The following PSMB1 variants were observed in gnomAD, a reference collection of about 807,000 sequenced individuals.
PSMB1 encodes the protein proteasome subunit beta type-1.
Under a neutral mutation model 25.4 loss-of-function variants are expected in PSMB1, and 7 were observed. The observed-to-expected ratio is 0.28, with a 90% CI of 0.16 to 0.52. PSMB1 has a LOEUF of 0.52. Among genes scored for constraint, PSMB1 ranks in the 20% least tolerant of loss-of-function variants. PSMB1 has a pLI of 0.97. For synonymous variants in PSMB1, 119 were observed against 115.0 expected, an observed-to-expected ratio of 1.03 and a Z score of -0.22; for missense variants, 284 against 302.2, an observed-to-expected ratio of 0.94 and a Z score of 0.45.
At chr6:170,547,511 T>C (rs1469781588) in intron 2 of PSMB1, among the ~76,000 whole-genome samples, 2 of 152,194 alleles carry the variant, frequency 1.3e-5, no homozygotes, top group Non-Finnish European at 2.9e-5. Context: ...ATACCTGTCC[T>C]ACTAGGAGAG....
intron 3 of PSMB1, 52 bp from the exon 4 acceptor site, chr6:170,543,782 A>G: frequency 2.6e-6 from 4 of 1,513,058 alleles, no homozygotes; most frequent in Non-Finnish European, 3.6e-6. Context: ...GCCATTATAG[A>G]CTAGAACAAT....
chr6:170,548,533 A>T (rs886449188), intron 2 of PSMB1, among the ~76,000 whole-genome samples: 34 of 151,756 alleles, frequency 2.2e-4, no homozygotes, highest in Admixed American at 2.0e-4. Flanking sequence ...AGGCAGATTT[A>T]AAAAAAATAT....
At chr6:170,536,934 G>A (rs1386529887) in intron 5 of PSMB1, among the ~76,000 whole-genome samples, 1 of 152,066 alleles carries the variant, frequency 6.6e-6, no homozygotes, top group African/African-American at 2.4e-5. Context: ...TGATCTTCAG[G>A]TAAAGACAGC....
intron 1 of PSMB1, among the ~76,000 whole-genome samples, chr6:170,551,430 G>A (rs892073703): frequency 6.6e-6 from 1 of 152,160 alleles, no homozygotes; most frequent in Non-Finnish European, 1.5e-5. Context: ...TTTTGCGGAA[G>A]CGAAGGCTGC....
chr6:170,552,264 A>G (rs1392562507), intron 1 of PSMB1, among the ~76,000 whole-genome samples: 1 of 152,206 alleles, frequency 6.6e-6, no homozygotes, highest in Admixed American at 6.5e-5. Context: ...TTGCGTGTGT[A>G]TATTTTAATG....
chr6:170,543,868 C>A, intron 3 of PSMB1, 138 bp from the exon 4 acceptor site: 1 of 915,128 alleles, frequency 1.1e-6, no homozygotes, highest in Non-Finnish European at 1.5e-6. Flanking sequence ...CATGATCAAC[C>A]AACACAGTAT....
chr6:170,545,872 C>T (rs931449799), intron 3 of PSMB1, among the ~76,000 whole-genome samples: 16 of 152,260 alleles, frequency 1.1e-4, no homozygotes, highest in African/African-American at 3.9e-4. Flanking sequence ...GGGTAGAGAA[C>T]CCTTCATATG....
At chr6:170,535,654 T>C (rs1012027991) in intron 5 of PSMB1, among the ~76,000 whole-genome samples, 2 of 152,166 alleles carry the variant, frequency 1.3e-5, no homozygotes, top group African/African-American at 4.8e-5. Context: ...GGTGGACGTA[T>C]GCAAGCAAAG....
chr6:170,546,316 G>A, intron 2 of PSMB1, 132 bp from the exon 3 acceptor site: 1 of 685,306 alleles, frequency 1.5e-6, no homozygotes, highest in Non-Finnish European at 2.5e-6. Flanking sequence ...TCACCCTTCT[G>A]GGGAGGAGGG....
At chr6:170,545,706 C>G (rs1230771152) in intron 3 of PSMB1, among the ~76,000 whole-genome samples, 1 of 152,182 alleles carries the variant, frequency 6.6e-6, no homozygotes, top group Non-Finnish European at 1.5e-5. Context: ...GAGCACAGCA[C>G]TGTAAAGAGG....
chr6:170,543,554 A>G lies in PSMB1; in HGVS notation c.433+47T>C, dbSNP rs767845586. 6.6e-6 allele frequency: 10 copies of G among 1,523,082 alleles called. No individual in the cohort carries two copies. The Admixed American group carries it at 1.8e-4, about 28-fold the overall frequency. 94.3% of individuals were successfully genotyped at this position (1,523,082 alleles called of 1,614,324 possible). A position where few individuals can be genotyped will look rare whatever the true frequency, so the allele number is the denominator to read the frequency against. On this transcript the variant is annotated intron_variant, in intron 4 of 5. Coordinates refer to ENST00000262193, the MANE Select transcript of PSMB1 (RefSeq NM_002793.4). The stretch of plus-strand genomic sequence containing the variant: ...CTAGATGGATACACACATCTAGGGA[A>G]TAATAACTCCTCCCCCCCACCATTT...
chr6:170,547,644 G>A (rs1250919172), intron 2 of PSMB1, among the ~76,000 whole-genome samples: 2 of 152,136 alleles, frequency 1.3e-5, no homozygotes, highest in East Asian at 1.9e-4. Context: ...GACAAGATTG[G>A]TTGACAATAC....
intron 1 of PSMB1, among the ~76,000 whole-genome samples, chr6:170,551,585 G>A (rs1778902693): frequency 6.6e-6 from 1 of 152,018 alleles, no homozygotes; most frequent in African/African-American, 2.4e-5. Context: ...AGGGCATACT[G>A]AACACTGAAA....
chr6:170,553,179 C>G lies in PSMB1; in HGVS notation c.64G>C (p.Ala22Pro). 1 of 1,613,940 alleles carries G rather than the reference C, an allele frequency of 6.2e-7. No individual in the cohort carries two copies. Among genetic ancestry groups the G allele is most frequent in the Non-Finnish European group, 8.5e-7 (1 of 1,179,942 alleles). ...AATCGCAGCTGCAAAGGGCCCGCGG[C>G]TCTGTGCGGTTCCATCCCCAAGTCT... ...GRDLGMEPHRAAGPLQLRFSP... is the reference protein window; with the variant it reads ...GRDLGMEPHRPAGPLQLRFSP... The change falls in exon 1 of 6, where the codon GCC (alanine) becomes CCC (proline). Residue 22 changes from alanine (A) to proline (P), a missense_variant. Transcript: ENST00000262193.
chr6:170,553,235 G>A lies in PSMB1; in HGVS notation c.8C>T (p.Ser3Phe), dbSNP rs372370346. 6.2e-6 allele frequency: 10 copies of A among 1,610,918 alleles called. No homozygotes were observed. Among genetic ancestry groups the A allele is most frequent in the Admixed American group, 3.3e-5 (2 of 59,766 alleles). Residue 3 changes from serine to phenylalanine, a missense_variant, in exon 1 of 6, where the codon TCC (serine) becomes TTC (phenylalanine). Physicochemically the swap from Ser to Phe is radical, Grantham distance 155 (BLOSUM62 -2). Transcript: ENST00000262193. ...AGGAGCCGAATACATGGCTGTAGAGGACAACATCGCACGGCTGCGCCTGCG... is the reference window on the plus strand; with the variant it reads ...AGGAGCCGAATACATGGCTGTAGAGAACAACATCGCACGGCTGCGCCTGCG... ML[S>F]STAMYSAPGR...
chr6:170,552,209 G>A (rs1279583090), intron 1 of PSMB1, among the ~76,000 whole-genome samples: 2 of 152,170 alleles, frequency 1.3e-5, no homozygotes, highest in African/African-American at 4.8e-5. Flanking sequence ...GAGCCACACT[G>A]CCCAGCCAAT....
At position 170,537,353 on chromosome 6, in the gene PSMB1, A is replaced by T; in HGVS notation, c.434-13T>A. The T allele has an allele frequency of 6.3e-7, 1 of 1,589,562 alleles. No individual in the cohort carries two copies. The highest frequency in any genetic ancestry group is 2.2e-5 in the East Asian group (1 of 44,676). ...ACAGCCCCCTTTCCTTAAAGAAGAAAACAGTATTCATAAGGATGGTATCCA... is the reference window on the plus strand; with the variant it reads ...ACAGCCCCCTTTCCTTAAAGAAGAATACAGTATTCATAAGGATGGTATCCA... On this transcript the variant is annotated splice_polypyrimidine_tract_variant and intron_variant, in intron 4 of 5. Coordinates refer to ENST00000262193, the MANE Select transcript of PSMB1 (RefSeq NM_002793.4).
chr6:170,550,360 T>C (rs1778875588), intron 1 of PSMB1: 1 of 152,202 alleles, frequency 6.6e-6, no homozygotes, highest in Non-Finnish European at 1.5e-5. Context: ...ATGGACAGGG[T>C]TCCTACTGTA....
intron 1 of PSMB1, 29 bp downstream of exon 1, chr6:170,553,101 T>A: frequency 3.2e-6 from 5 of 1,557,540 alleles, no homozygotes; most frequent in Non-Finnish European, 4.4e-6. Flanking sequence ...AGGGCGAAAG[T>A]GAAAGCCGCA....
Sources: allele counts gnomAD v4.1 joint callset (sites outside exome capture counted in the v4.1 genomes callset), GRCh38; gene constraint gnomAD v4.1.1; transcripts MANE v1.5; gene names NCBI Gene and HGNC (gene_info 2026-07-23, HGNC 2026-07-21).